Variants in ANKRD44 observed in about 807,000 individuals in gnomAD.
ANKRD44 encodes serine/threonine-protein phosphatase 6 regulatory ankyrin repeat subunit B.
ANKRD44 carries 35 observed loss-of-function variants against 116.0 expected under a neutral mutation model. The observed-to-expected ratio is 0.30, with a 90% CI of 0.23 to 0.40. The LOEUF is 0.40. ANKRD44 is among the 10% of genes least tolerant of loss of function. The pLI, the probability that ANKRD44 is intolerant of heterozygous loss-of-function variation, is 1.00. For missense variants in ANKRD44, 1,014 were observed against 1,242.6 expected (o/e 0.82, Z 2.77); for synonymous variants, 435 against 461.8 (o/e 0.94, Z 0.74).
In ANKRD44 at chr2:197,118,827, A is replaced by G. The variant is rs1404935674; in HGVS notation, c.906+2505T>C. 2.0e-5 allele frequency among the ~76,000 whole-genome samples: 3 copies of G among 152,292 alleles called. No individual in the cohort carries two copies. In the East Asian group the frequency reaches 5.8e-4, roughly 29 times the overall value. On this transcript the variant is annotated intron_variant, in intron 8 of 27. Coordinates refer to ENST00000282272, the MANE Select transcript of ANKRD44 (RefSeq NM_001195144.2). ...AAAAGAGATCATATTTCTTTATTGCATTTCAATGTTTTCATTGATAATACT... is the reference window on the plus strand; with the variant it reads ...AAAAGAGATCATATTTCTTTATTGCGTTTCAATGTTTTCATTGATAATACT...
chr2:197,100,103 C>CAGT (rs1215157678), intron 9 of ANKRD44, among the ~76,000 whole-genome samples, 173 bp from the exon 10 acceptor site: 1 of 152,188 alleles, frequency 6.6e-6, no homozygotes, highest in Non-Finnish European at 1.5e-5. Context: ...CCATCTGAAG[C>CAGT]AGTAGTAGTA....
intron 2 of ANKRD44, among the ~76,000 whole-genome samples, chr2:197,169,061 T>C (rs2080166381): frequency 6.6e-6 from 1 of 152,144 alleles, no homozygotes; most frequent in African/African-American, 2.4e-5. Context: ...GGCCCCTTTC[T>C]TGTCTCCTCT....
intron 2 of ANKRD44, among the ~76,000 whole-genome samples, chr2:197,176,520 G>A (rs1035734403): frequency 6.6e-6 from 1 of 152,030 alleles, no homozygotes; most frequent in African/African-American, 2.4e-5. Context: ...GTTGTATTTT[G>A]GTGTGACTGA....
rs141799678 is a variant in ANKRD44, at chr2:197,184,331, A to C, written c.111+2692T>G. 7.8e-4 allele frequency among the ~76,000 whole-genome samples: 119 copies of C among 152,284 alleles called. No homozygotes were observed. In the East Asian group the frequency reaches 0.019, roughly 24 times the overall value. On this transcript the variant is annotated intron_variant, in intron 2 of 27. Transcript: ENST00000282272. The stretch of plus-strand genomic sequence containing the variant: ...AGTGGAAGTGATGTATGCTAATTCC[A>C]AGCTGACCCATAAAAATCCTTCCAT...
At chr2:197,299,314 T>C (rs2083823404) in intron 1 of ANKRD44, among the ~76,000 whole-genome samples, 2 of 152,196 alleles carry the variant, frequency 1.3e-5, no homozygotes, top group South Asian at 4.1e-4. Flanking sequence ...CATCTCTAGA[T>C]CCGGCAATCC....
chr2:197,013,381 G>A (rs930740297), intron 18 of ANKRD44, 130 bp downstream of exon 18: 3 of 1,020,728 alleles, frequency 2.9e-6, no homozygotes, highest in African/African-American at 3.2e-5. Context: ...TGGAAGTGTG[G>A]AAGTGCATCT....
At chr2:197,232,022 G>A (rs1472383516) in intron 1 of ANKRD44, among the ~76,000 whole-genome samples, 1 of 152,176 alleles carries the variant, frequency 6.6e-6, no homozygotes, top group East Asian at 1.9e-4. Context: ...TGCATCCCAT[G>A]CTCTGACCCT....
In ANKRD44 at chr2:197,232,793, G is replaced by A. The variant is rs138555464; in HGVS notation, c.28-45687C>T. ...CCCTTCTCGCCTCATTTATTCCACT[G>A]CATCTGTTTTCCCACATAAGAGAGC... On this transcript the variant is annotated intron_variant, in intron 1 of 27. Transcript: ENST00000282272. 5.4e-3 allele frequency among the ~76,000 whole-genome samples: 822 copies of A among 152,228 alleles called. 9 individuals are homozygous for A. Among genetic ancestry groups the A allele is most frequent in the Non-Finnish European group, 4.6e-3 (313 of 68,030 alleles).
chr2:197,134,396 TC>T (rs1303784135), intron 4 of ANKRD44: 1 of 152,204 alleles, frequency 6.6e-6, no homozygotes, highest in African/African-American at 2.4e-5. Flanking sequence ...TCTTTTTTCC[TC>T]CCTGCAAACC....
Position 197,147,115 on chromosome 2 carries a change from A to C in ANKRD44, c.112-10T>G, listed in dbSNP as rs903234389. 8.1e-6 allele frequency: 13 copies of C among 1,613,092 alleles called. No individual in the cohort carries two copies. In the Admixed American group the frequency reaches 1.2e-4, roughly 14 times the overall value. ...TTCGTTTCTCAGAATCCTGAAATAC[A>C]CAACGTCAAAGACATACAACAGGTC... is the stretch of plus-strand genomic sequence containing the variant. On this transcript the variant is annotated splice_polypyrimidine_tract_variant and intron_variant, in intron 2 of 27. Transcript: ENST00000282272.
chr2:197,024,594 G>A (rs1161930407), intron 17 of ANKRD44, among the ~76,000 whole-genome samples: 1 of 152,158 alleles, frequency 6.6e-6, no homozygotes, highest in African/African-American at 2.4e-5. Flanking sequence ...TTCAATTACT[G>A]GGATGTGGAG....
At chr2:197,284,681 T>C (rs1377519698) in intron 1 of ANKRD44, among the ~76,000 whole-genome samples, 1 of 151,580 alleles carries the variant, frequency 6.6e-6, no homozygotes, top group East Asian at 1.9e-4. Flanking sequence ...AGGCCAGGAG[T>C]TCGAGACCAG....
intron 1 of ANKRD44, among the ~76,000 whole-genome samples, chr2:197,258,373 T>C (rs940781241): frequency 2.1e-5 from 3 of 143,764 alleles, no homozygotes; most frequent in African/African-American, 5.2e-5. Context: ...TCCACCCACC[T>C]TGGCCTCCTG....
At chr2:197,166,563 T>A (rs2080106002) in intron 2 of ANKRD44, among the ~76,000 whole-genome samples, 1 of 152,206 alleles carries the variant, frequency 6.6e-6, no homozygotes, top group East Asian at 1.9e-4. Flanking sequence ...AGTAAATTCT[T>A]TAGAAAGAAA....
At position 197,121,353 on chromosome 2, in the gene ANKRD44, G is replaced by A. The variant is rs146074973; in HGVS notation, c.885C>T (p.Asn295=). The change falls in exon 8 of 28, where the codon AAC becomes AAT. Residue 295 remains asparagine, a synonymous_variant. Coordinates refer to ENST00000282272, the MANE Select transcript of ANKRD44 (RefSeq NM_001195144.2). ...GALCLELLVN[N]GADVNIQSKD... ...ATACCTGAATGTTAACATCTGCCCC[G>A]TTGTTTACTAACAATTCAAGACACA... 9.8e-5 allele frequency: 158 copies of A among 1,614,112 alleles called. 1 individual carries two copies. In the African/African-American group the frequency reaches 1.0e-3, roughly 10 times the overall value.
Position 196,999,051 on chromosome 2 carries a change from T to A in ANKRD44, c.2521A>T (p.Thr841Ser). 1 of 1,612,856 alleles carries A rather than the reference T, an allele frequency of 6.2e-7. No individual in the cohort carries two copies. The highest frequency in any genetic ancestry group is 1.1e-5 in the South Asian group (1 of 90,804). The change falls in exon 24 of 28, where the codon ACA becomes TCA. Residue 841 changes from threonine to serine, a missense_variant and splice_region_variant. Physicochemically the swap from Thr to Ser is moderately conservative, Grantham distance 58. Coordinates refer to ENST00000282272, the MANE Select transcript of ANKRD44 (RefSeq NM_001195144.2). ...GCAAATGCTGCCGCATGAAGGGGTG[T>A]CCTAAAGATTTAAAACAAGTATCAC... ...IVSCRDDKGR[T>S]PLHAAAFADH...
At chr2:197,235,054 C>T (rs1258322399) in intron 1 of ANKRD44, among the ~76,000 whole-genome samples, 2 of 152,170 alleles carry the variant, frequency 1.3e-5, no homozygotes, top group Non-Finnish European at 2.9e-5. Context: ...CCTTTACCTA[C>T]AGACTTTCCA....
Position 196,986,732 on chromosome 2 carries a change from G to A in ANKRD44, c.*2859C>T, listed in dbSNP as rs1291643616. ...GAATGCATTTCCATAGTATATTACA[G>A]TTAAGTACTTCATTACGTTATTAGA... On this transcript the variant is annotated 3_prime_UTR_variant, in exon 28 of 28. Coordinates refer to ENST00000282272, the MANE Select transcript of ANKRD44 (RefSeq NM_001195144.2). The A allele has an allele frequency of 2.0e-6, 2 of 979,266 alleles. No homozygotes were observed. The highest frequency in any genetic ancestry group is 2.4e-6 in the Non-Finnish European group (2 of 824,496). 60.7% of individuals were successfully genotyped at this position (979,266 alleles called of 1,614,324 possible). A position where few individuals can be genotyped will look rare whatever the true frequency, so the allele number is the denominator to read the frequency against.
At chr2:197,206,712 C>T (rs762911677) in intron 1 of ANKRD44, among the ~76,000 whole-genome samples, 36 of 152,214 alleles carry the variant, frequency 2.4e-4, no homozygotes, top group African/African-American at 7.9e-4. Flanking sequence ...GAGACTCCTC[C>T]GTCTCAAAAC....
Sources: allele counts gnomAD v4.1 joint callset (sites outside exome capture counted in the v4.1 genomes callset), GRCh38; gene constraint gnomAD v4.1.1; transcripts MANE v1.5; gene names NCBI Gene and HGNC (gene_info 2026-07-23, HGNC 2026-07-21).